DIAPH2: variants seen among roughly 807,000 people sequenced by gnomAD.
The protein encoded by DIAPH2 is diaphanous related formin 2.
In DIAPH2, 35 loss-of-function variants were observed where a neutral mutation model predicts 92.7. The observed-to-expected ratio is 0.38, with a 90% CI of 0.29 to 0.50. DIAPH2 has a LOEUF of 0.50. Among genes scored for constraint, DIAPH2 ranks in the 20% least tolerant of loss-of-function variants. The probability of loss-of-function intolerance (pLI) is 0.94; values close to 1 mark genes in which losing one functional copy is unlikely to be tolerated. For missense variants in DIAPH2, 701 were observed against 819.5 expected, an observed-to-expected ratio of 0.86 and a Z score of 1.77; for synonymous variants, 301 against 280.4, an observed-to-expected ratio of 1.07 and a Z score of -0.73.
chrX:96,839,392 C>T (rs2064920933), intron 4 of DIAPH2, among the ~76,000 whole-genome samples: 1 of 111,128 alleles, frequency 9.0e-6, no homozygotes, highest in Admixed American at 9.6e-5. Flanking sequence ...GTCTTGCCTC[C>T]TATGACTAAA....
intron 4 of DIAPH2, among the ~76,000 whole-genome samples, chrX:96,816,436 A>C (rs2147669428): frequency 8.9e-6 from 1 of 112,310 alleles, no homozygotes; most frequent in South Asian, 3.7e-4. Context: ...AGTAATAGAA[A>C]ATTAATTGAA....
At chrX:96,690,005 T>G (rs1397896144) in intron 1 of DIAPH2, among the ~76,000 whole-genome samples, 4 of 109,262 alleles carry the variant, frequency 3.7e-5, no homozygotes, top group Non-Finnish European at 7.6e-5. Flanking sequence ...TTTTTTAAAG[T>G]ATATGTACTC....
intron 23 of DIAPH2, among the ~76,000 whole-genome samples, chrX:97,343,143 A>G (rs1032023918): frequency 2.7e-5 from 3 of 111,930 alleles, no homozygotes; most frequent in Non-Finnish European, 5.6e-5. Flanking sequence ...AGGAATTTAC[A>G]TTTGAAATAT....
chrX:97,422,412 A>T (rs908569966), intron 25 of DIAPH2, among the ~76,000 whole-genome samples: 1 of 111,689 alleles, frequency 9.0e-6, no homozygotes, highest in East Asian at 2.8e-4. Context: ...CCTCAAGCCC[A>T]CAGAAAGCTT....
At chrX:97,596,442 G>A (rs976502832) in intron 26 of DIAPH2, among the ~76,000 whole-genome samples, 10 of 111,843 alleles carry the variant, frequency 8.9e-5, no homozygotes, top group African/African-American at 2.9e-4. Context: ...GTAAATACAT[G>A]TGTTGTCAAC....
chrX:96,938,579 T>C (rs745764108), intron 11 of DIAPH2, among the ~76,000 whole-genome samples: 11 of 111,635 alleles, frequency 9.9e-5, no homozygotes, highest in East Asian at 2.8e-4. Flanking sequence ...TTTTAGGATA[T>C]TGAATTACAT....
chrX:96,741,313 T>C (rs73250725), intron 3 of DIAPH2, among the ~76,000 whole-genome samples: 6,152 of 108,445 alleles, frequency 0.057, 203 homozygotes, highest in Middle Eastern at 0.16. Flanking sequence ...AATATAATTT[T>C]ATTCATATGC....
chrX:97,349,032 G>GTGTATATATA (rs1569369705), intron 24 of DIAPH2, among the ~76,000 whole-genome samples: 145 of 100,891 alleles, frequency 1.4e-3, no homozygotes, highest in African/African-American at 4.8e-3. Flanking sequence ...GTATATATAT[G>GTGTATATATA]TGTGTATATA....
At chrX:97,509,298 T>G (rs2070863020) in intron 26 of DIAPH2, among the ~76,000 whole-genome samples, 1 of 109,735 alleles carries the variant, frequency 9.1e-6, no homozygotes. Context: ...CCACCCACCT[T>G]GGCCTCCCAA....
chrX:96,922,183 A>T (rs764165372), intron 9 of DIAPH2, among the ~76,000 whole-genome samples: 1 of 111,508 alleles, frequency 9.0e-6, no homozygotes, highest in South Asian at 3.8e-4. Context: ...GAAAGCACAG[A>T]TTATACACCA....
At chrX:97,517,489 G>T (rs1389983556) in intron 26 of DIAPH2, among the ~76,000 whole-genome samples, 1 of 111,595 alleles carries the variant, frequency 9.0e-6, no homozygotes, top group Non-Finnish European at 1.9e-5. Flanking sequence ...CCTAAAGGGA[G>T]GGAAAAAAGT....
At chrX:97,354,533 T>G (rs1175981660) in intron 24 of DIAPH2, among the ~76,000 whole-genome samples, 2 of 111,523 alleles carry the variant, frequency 1.8e-5, no homozygotes, top group Non-Finnish European at 3.8e-5. Flanking sequence ...CCACCACGCC[T>G]GGCTAATTTT....
chrX:96,773,653 C>T (rs969960258), intron 4 of DIAPH2, among the ~76,000 whole-genome samples: 1 of 111,027 alleles, frequency 9.0e-6, no homozygotes, highest in Non-Finnish European at 1.9e-5. Context: ...AGTTTGAGAC[C>T]AGCCTGGGCA....
intron 25 of DIAPH2, among the ~76,000 whole-genome samples, chrX:97,388,729 G>A (rs1433516347): frequency 1.8e-5 from 2 of 111,143 alleles, no homozygotes; most frequent in African/African-American, 6.5e-5. Flanking sequence ...TGTTTATATT[G>A]ACATTTATCA....
chrX:97,539,033 A>G (rs2071118659), intron 26 of DIAPH2, among the ~76,000 whole-genome samples: 1 of 112,308 alleles, frequency 8.9e-6, no homozygotes, highest in African/African-American at 3.2e-5. Flanking sequence ...AATGTTAAAT[A>G]TACTTAGAAA....
intron 17 of DIAPH2, among the ~76,000 whole-genome samples, chrX:97,049,336 CAG>C (rs1165327353): frequency 1.8e-5 from 2 of 110,765 alleles, no homozygotes; most frequent in Non-Finnish European, 3.8e-5. Flanking sequence ...TGAGTTGCCT[CAG>C]TGACTCACTT....
At chrX:97,522,571 C>T (rs1462914697) in intron 26 of DIAPH2, among the ~76,000 whole-genome samples, 1 of 112,790 alleles carries the variant, frequency 8.9e-6, no homozygotes, top group Non-Finnish European at 1.9e-5. Context: ...AAAATCATGA[C>T]TGCTTTCATT....
chrX:97,169,904 C>A (rs2067439222), intron 22 of DIAPH2, among the ~76,000 whole-genome samples: 2 of 111,622 alleles, frequency 1.8e-5, no homozygotes, highest in African/African-American at 3.3e-5. Flanking sequence ...AACAAACAAA[C>A]AAAGATTTGC....
At chrX:97,444,718 G>A (rs928124395) in intron 26 of DIAPH2, among the ~76,000 whole-genome samples, 5 of 111,505 alleles carry the variant, frequency 4.5e-5, no homozygotes, top group Non-Finnish European at 9.4e-5. Flanking sequence ...AAATGACAGC[G>A]CTTTGTACAT....
Sources: gnomAD v4.1 joint callset for allele counts (sites outside exome capture counted in the v4.1 genomes callset) on GRCh38, gnomAD v4.1.1 for gene constraint, MANE v1.5 for transcripts, NCBI Gene and HGNC (gene_info 2026-07-23, HGNC 2026-07-21) for gene names.